Variants in SGCD observed in about 807,000 individuals in gnomAD.
SGCD encodes the protein sarcoglycan delta.
Under a neutral mutation model 36.6 loss-of-function variants are expected in SGCD, and 18 were observed. The ratio of observed to expected loss-of-function variants is 0.49; its 90% CI spans 0.34 to 0.73. The LOEUF (loss-of-function observed/expected upper bound fraction) is 0.73. Among genes scored for constraint, SGCD ranks in the 30% least tolerant of loss-of-function variants. The pLI is 0.01. For synonymous variants in SGCD, 133 were observed against 130.6 expected (o/e 1.02, Z -0.12); for missense variants, 387 against 346.7 (o/e 1.12, Z -0.92).
chr5:156,048,089 T>G (rs544260346), intron 1 of SGCD, among the ~76,000 whole-genome samples: 1 of 152,328 alleles, frequency 6.6e-6, no homozygotes, highest in Admixed American at 6.5e-5. Context: ...TTTTTGCCCT[T>G]GCAATTGTTT....
At chr5:155,824,382 A>C in the SGCD span, among the ~76,000 whole-genome samples, 11 of 152,294 alleles carry the variant, frequency 7.2e-5, no homozygotes, top group African/African-American at 2.6e-4. Context: ...CACTCAATAA[A>C]TGTGAGATAC....
At position 156,767,709 on chromosome 5, in the gene SGCD, TA is replaced by T. The variant is rs997296466; in HGVS notation, c.*8325del. 1 of 152,174 alleles carries T rather than the reference TA, an allele frequency of 6.6e-6. No individual in the cohort carries two copies. Among genetic ancestry groups the T allele is most frequent in the African/African-American group, 2.4e-5 (1 of 41,448 alleles). The allele number at this position is 152,174 out of a possible 1,614,324, so 9.4% of individuals were successfully genotyped here. On this transcript the variant is annotated 3_prime_UTR_variant, in exon 9 of 9. Coordinates refer to ENST00000337851, the MANE Select transcript of SGCD (RefSeq NM_000337.6). ...TTTTAACTTTATTACACTTTCTGTATAAAAAATTTGTATTTAATATTATTTC... is the reference window on the plus strand; with the variant it reads ...TTTTAACTTTATTACACTTTCTGTATAAAAATTTGTATTTAATATTATTTC...
In SGCD at chr5:155,939,947, C is replaced by T. The variant is rs1757290034; in HGVS notation, c.-282+69523C>T. Among the ~76,000 whole-genome samples the T allele has an allele frequency of 2.6e-5, 4 of 151,726 alleles. No individual in the cohort carries two copies. The South Asian group carries it at 8.3e-4, about 32-fold the overall frequency. ...CTCCTGGGTTCAAGAGATTGTCCCA[C>T]CTCAGCCTCCTAAGTAGCTGGGATT... is the stretch of plus-strand genomic sequence containing the variant. On this transcript the variant is annotated intron_variant, in intron 1 of 9. Transcript: ENST00000517913.
chr5:155,996,110 T>A (rs573363259), intron 1 of SGCD, among the ~76,000 whole-genome samples: 1 of 151,948 alleles, frequency 6.6e-6, no homozygotes, highest in Admixed American at 6.6e-5. Context: ...TTGTTTATTA[T>A]GTTTGTTTTT....
chr5:156,191,157 A>G (rs1413749948), intron 3 of SGCD, among the ~76,000 whole-genome samples: 1 of 152,120 alleles, frequency 6.6e-6, no homozygotes, highest in African/African-American at 2.4e-5. Flanking sequence ...CCAGGATGAT[A>G]ACTCAGCATT....
At chr5:155,973,725 G>C (rs1170551280) in intron 1 of SGCD, among the ~76,000 whole-genome samples, 2 of 152,142 alleles carry the variant, frequency 1.3e-5, no homozygotes, top group Non-Finnish European at 2.9e-5. Flanking sequence ...TTGAATTCTG[G>C]CTTGTCCAGT....
intron 3 of SGCD, among the ~76,000 whole-genome samples, chr5:156,256,231 G>A (rs1485004539): frequency 6.6e-6 from 1 of 152,220 alleles, no homozygotes; most frequent in East Asian, 1.9e-4. Context: ...GCAATAAAAT[G>A]TGTAAGTCTT....
intron 4 of SGCD, among the ~76,000 whole-genome samples, chr5:156,580,005 G>A (rs977280392): frequency 1.3e-5 from 2 of 152,142 alleles, no homozygotes; most frequent in African/African-American, 4.8e-5. Flanking sequence ...TTTCTTCCTA[G>A]CATTGATGGT....
At chr5:156,503,396 G>A (rs1474075791) in intron 3 of SGCD, among the ~76,000 whole-genome samples, 1 of 152,178 alleles carries the variant, frequency 6.6e-6, no homozygotes, top group African/African-American at 2.4e-5. Context: ...CTGAGAAGGT[G>A]TAATAAAAGT....
At chr5:156,060,352 C>A (rs565764750) in intron 1 of SGCD, among the ~76,000 whole-genome samples, 1 of 142,182 alleles carries the variant, frequency 7.0e-6, no homozygotes, top group South Asian at 2.2e-4. Context: ...GAGTTGAACA[C>A]TACAAGATTT....
intron 4 of SGCD, among the ~76,000 whole-genome samples, chr5:156,542,409 T>G (rs1204176735): frequency 6.6e-6 from 1 of 152,320 alleles, no homozygotes; most frequent in Non-Finnish European, 1.5e-5. Flanking sequence ...TTAAACATAG[T>G]CACCTTTGAA....
intron 6 of SGCD, among the ~76,000 whole-genome samples, chr5:156,637,993 A>G (rs1300875697): frequency 6.6e-6 from 1 of 150,666 alleles, no homozygotes; most frequent in African/African-American, 2.4e-5. Flanking sequence ...TTTTTTAGAC[A>G]GTGTTTCTCT....
At chr5:156,468,350 A>G (rs1024410372) in intron 3 of SGCD, among the ~76,000 whole-genome samples, 2 of 151,898 alleles carry the variant, frequency 1.3e-5, no homozygotes, top group East Asian at 3.9e-4. Flanking sequence ...TCAAAAAAAA[A>G]AAAAAAAAAA....
At chr5:156,666,968 T>A (rs900901809) in intron 7 of SGCD, among the ~76,000 whole-genome samples, 3 of 152,054 alleles carry the variant, frequency 2.0e-5, no homozygotes, top group South Asian at 2.1e-4. Context: ...AAATAAAAAT[T>A]AAAATTAAAA....
At chr5:156,397,686 C>T (rs1771933488) in intron 3 of SGCD, among the ~76,000 whole-genome samples, 1 of 152,170 alleles carries the variant, frequency 6.6e-6, no homozygotes, top group African/African-American at 2.4e-5. Flanking sequence ...AGCTTAGAGT[C>T]TATGGAGAGA....
chr5:155,965,390 C>A (rs1294682007), intron 1 of SGCD, among the ~76,000 whole-genome samples: 1 of 152,074 alleles, frequency 6.6e-6, no homozygotes, highest in Non-Finnish European at 1.5e-5. Context: ...ATTGTCTTTG[C>A]CTCTTATGTC....
intron 3 of SGCD, among the ~76,000 whole-genome samples, chr5:156,446,345 G>A (rs78531058): frequency 6.6e-6 from 1 of 152,070 alleles, no homozygotes; most frequent in Non-Finnish European, 1.5e-5. Flanking sequence ...AGTTGCACTG[G>A]GGTAGGAGGT....
At chr5:156,086,898 T>C (rs1761109916) in intron 1 of SGCD, among the ~76,000 whole-genome samples, 1 of 152,248 alleles carries the variant, frequency 6.6e-6, no homozygotes, top group Admixed American at 6.5e-5. Flanking sequence ...ATAGTGGATA[T>C]GCATTCTGGC....
intron 1 of SGCD, among the ~76,000 whole-genome samples, chr5:155,940,443 G>A (rs1757298643): frequency 6.6e-6 from 1 of 152,184 alleles, no homozygotes; most frequent in Admixed American, 6.5e-5. Context: ...TGACCAACCT[G>A]AGCCTCAGAA....
Sources: allele counts gnomAD v4.1 joint callset (sites outside exome capture counted in the v4.1 genomes callset), GRCh38; gene constraint gnomAD v4.1.1; transcripts MANE v1.5; gene names NCBI Gene and HGNC (gene_info 2026-07-23, HGNC 2026-07-21).